Variants in ABCC9 observed in about 807,000 individuals in gnomAD.
ABCC9 encodes the protein ATP binding cassette subfamily C member 9, also known as ATP-binding cassette sub-family C member 9.
In ABCC9, 95 loss-of-function variants were observed where a neutral mutation model predicts 188.3. That is an observed-to-expected ratio of 0.50 (90% CI 0.43 to 0.60). The LOEUF (loss-of-function observed/expected upper bound fraction) is 0.60, where lower values mean the gene tolerates loss of function less well. ABCC9 is among the 20% of genes least tolerant of loss of function. The pLI, the probability that ABCC9 is intolerant of heterozygous loss-of-function variation, is 0.00. For synonymous variants in ABCC9, 659 were observed against 652.7 expected (o/e 1.01, Z -0.15); for missense variants, 1,102 against 1,876.3 (o/e 0.59, Z 7.62).
chr12:21,819,983 T>G (rs1254172257), intron 31 of ABCC9, among the ~76,000 whole-genome samples: 2 of 152,204 alleles, frequency 1.3e-5, no homozygotes, highest in Non-Finnish European at 1.5e-5. Flanking sequence ...TTGAATTAAC[T>G]ACATGGATGC....
intron 36 of ABCC9, among the ~76,000 whole-genome samples, chr12:21,810,292 T>G (rs1942143025): frequency 1.3e-5 from 2 of 152,212 alleles, no homozygotes; most frequent in South Asian, 2.1e-4. Context: ...CCTGCAGGAC[T>G]GATGCTACAT....
At chr12:21,909,274 T>C (rs1181399293) in intron 10 of ABCC9, among the ~76,000 whole-genome samples, 1 of 151,972 alleles carries the variant, frequency 6.6e-6, no homozygotes, top group African/African-American at 2.4e-5. Context: ...ATATACACTT[T>C]TTTTTGCCTT....
At chr12:21,883,529 C>T (rs893641121) in intron 15 of ABCC9, among the ~76,000 whole-genome samples, 1 of 152,158 alleles carries the variant, frequency 6.6e-6, no homozygotes, top group African/African-American at 2.4e-5. Context: ...TTATAAATTA[C>T]CCAGTCTCAG....
At chr12:21,833,645 A>T (rs965679275) in intron 30 of ABCC9, among the ~76,000 whole-genome samples, 1 of 152,098 alleles carries the variant, frequency 6.6e-6, no homozygotes. Flanking sequence ...TCAAGGAGAA[A>T]ACAGAGGCTG....
At chr12:21,915,514 A>ATATATATATTTTT in intron 7 of ABCC9, among the ~76,000 whole-genome samples, 154 bp downstream of exon 7, 5 of 3,522 alleles carry the variant, frequency 1.4e-3, no homozygotes, top group Non-Finnish European at 1.9e-3. Flanking sequence ...ATATATATAT[A>ATATATATATTTTT]TTTTTTTTTT....
chr12:21,807,260 A>G (rs779928132), intron 38 of ABCC9, 86 bp downstream of exon 38: 2 of 1,579,514 alleles, frequency 1.3e-6, no homozygotes, highest in Non-Finnish European at 1.7e-6. Context: ...CTGAGGATTC[A>G]GAACCCAATC....
Position 21,915,808 on chromosome 12 carries a change from CT to C in ABCC9, c.675del (p.Ala226GlnfsTer6), listed in dbSNP as rs1319407398. 6.2e-7 allele frequency: 1 copy of C among 1,613,452 alleles called. No individual in the cohort carries two copies. The highest frequency in any genetic ancestry group is 8.5e-7 in the Non-Finnish European group (1 of 1,179,798). On this transcript the variant is annotated frameshift_variant, in exon 7 of 40. Coordinates refer to ENST00000261200, the MANE Select transcript of ABCC9 (RefSeq NM_020297.4). LOFTEE classifies it high-confidence loss of function. ...AGTGTGTTCATCCACCAGTATGTTG[CT>C]TTTGACAGCAAATTCACAAATGGTT... ...FLQPFVNLLS[K>X]ATYWWMNTLI...
chr12:21,875,880 C>T (rs1228295667), intron 16 of ABCC9, among the ~76,000 whole-genome samples, 154 bp from the exon 17 acceptor site: 1 of 151,994 alleles, frequency 6.6e-6, no homozygotes, highest in Non-Finnish European at 1.5e-5. Context: ...GTCAGGAGAT[C>T]GAGATCATCC....
rs543059003 is a variant in ABCC9 at position 21,799,961 on chromosome 12, T to C, written c.*1083A>G. 4 of 152,324 alleles carry C rather than the reference T, an allele frequency of 2.6e-5. No individual in the cohort carries two copies. In the East Asian group the frequency reaches 5.8e-4, roughly 22 times the overall value. 9.4% of individuals were successfully genotyped at this position (152,324 alleles called of 1,614,324 possible). A position where few individuals can be genotyped will look rare whatever the true frequency, so the allele number is the denominator to read the frequency against. ...AAATTACAATAACATTTTTGGTATA[T>C]TTTTTGTATGCACATTAAAATTAGA... On this transcript the variant is annotated 3_prime_UTR_variant, in exon 40 of 40. Transcript: ENST00000261200.
At chr12:21,830,842 G>A (rs949311508) in intron 30 of ABCC9, among the ~76,000 whole-genome samples, 1 of 152,140 alleles carries the variant, frequency 6.6e-6, no homozygotes, top group African/African-American at 2.4e-5. Context: ...CACTCATGCT[G>A]TGGGACTAAG....
chr12:21,874,458 C>T (rs12371739), intron 17 of ABCC9, among the ~76,000 whole-genome samples: 5 of 152,072 alleles, frequency 3.3e-5, no homozygotes, highest in Admixed American at 6.6e-5. Context: ...AGAGGTTCCT[C>T]GAAAAACTAA....
At chr12:21,851,644 ACTTTGCC>A (rs1319157947) in intron 24 of ABCC9, among the ~76,000 whole-genome samples, 1 of 152,086 alleles carries the variant, frequency 6.6e-6, no homozygotes, top group Non-Finnish European at 1.5e-5. Flanking sequence ...ATGCCTTACA[ACTTTGCC>A]CACTACTCAG....
At chr12:21,892,850 C>T (rs1250822622) in intron 14 of ABCC9, among the ~76,000 whole-genome samples, 1 of 152,126 alleles carries the variant, frequency 6.6e-6, no homozygotes, top group Non-Finnish European at 1.5e-5. Flanking sequence ...GATATAGACA[C>T]CAGCACAATT....
chr12:21,871,012 G>T (rs1205300338), intron 18 of ABCC9, among the ~76,000 whole-genome samples: 2 of 152,128 alleles, frequency 1.3e-5, no homozygotes, highest in African/African-American at 4.8e-5. Flanking sequence ...CTTGGAACAG[G>T]CCAGATTAGG....
chr12:21,935,810 A>G (rs112294693), intron 3 of ABCC9, among the ~76,000 whole-genome samples: 10 of 152,276 alleles, frequency 6.6e-5, no homozygotes, highest in African/African-American at 2.4e-4. Flanking sequence ...TTTAGGTATC[A>G]AAATACTTCA....
At chr12:21,938,016 AC>A (rs1277013806) in intron 2 of ABCC9, 3 of 152,202 alleles carry the variant, frequency 2.0e-5, no homozygotes, top group African/African-American at 4.8e-5. Context: ...CTAGCATAGT[AC>A]CTTTTCTTTC....
At chr12:21,816,036 GTTTTTTTTTTTTTTTTTTTTTTTTTT>G (rs10611051) in intron 33 of ABCC9, 143 bp from the exon 34 acceptor site, 47 of 58,272 alleles carry the variant, frequency 8.1e-4, no homozygotes, top group East Asian at 2.2e-3. Context: ...CTATGTGGCA[GTTTTTTTTTTTTTTTTTTTTTTTTTT>G]TTTTTTTTTT....
At chr12:21,913,174 T>C (rs1948401618) in intron 7 of ABCC9, 108 bp from the exon 8 acceptor site, 1 of 982,436 alleles carries the variant, frequency 1.0e-6, no homozygotes. Context: ...AAAAATACTT[T>C]AAGGGTTTAA....
intron 18 of ABCC9, among the ~76,000 whole-genome samples, chr12:21,866,323 T>C (rs986760721): frequency 6.6e-5 from 10 of 152,142 alleles, no homozygotes; most frequent in African/African-American, 2.4e-4. Flanking sequence ...TTTAGAAATA[T>C]CACTGTGATC....
Sources: gnomAD v4.1 joint callset for allele counts (sites outside exome capture counted in the v4.1 genomes callset) on GRCh38, gnomAD v4.1.1 for gene constraint, MANE v1.5 for transcripts, NCBI Gene and HGNC (gene_info 2026-07-23, HGNC 2026-07-21) for gene names.